Variants in GRK3 observed in about 807,000 individuals in gnomAD.
The protein encoded by GRK3 is adrenergic, beta, receptor kinase 2.
A neutral mutation model predicts 95.7 loss-of-function variants in GRK3; 54 were observed. The ratio of observed to expected loss-of-function variants is 0.56; its 90% confidence interval spans 0.45 to 0.71. The LOEUF is 0.71. Ranked by LOEUF, GRK3 falls within the 30% of genes least tolerant of loss-of-function variation. The probability of loss-of-function intolerance (pLI) is 0.00; values close to 1 mark genes in which losing one functional copy is unlikely to be tolerated. For missense variants in GRK3, 649 were observed against 851.2 expected (o/e 0.76, Z 2.96); for synonymous variants, 281 against 290.8 (o/e 0.97, Z 0.34).
At chr22:25,616,850 G>A (rs911000592) in intron 2 of GRK3, among the ~76,000 whole-genome samples, 3 of 152,216 alleles carry the variant, frequency 2.0e-5, no homozygotes, top group Non-Finnish European at 4.4e-5. Context: ...TGTTGTTTAT[G>A]CCTCTTGGAA....
At chr22:25,584,725 A>ATG (rs1932233264) in intron 1 of GRK3, among the ~76,000 whole-genome samples, 2 of 143,908 alleles carry the variant, frequency 1.4e-5, no homozygotes, top group African/African-American at 2.6e-5. Context: ...AGGAAAAAAC[A>ATG]GTAAATATAG....
At chr22:25,651,614 A>G (rs535648834) in intron 3 of GRK3, among the ~76,000 whole-genome samples, 1 of 152,276 alleles carries the variant, frequency 6.6e-6, no homozygotes, top group African/African-American at 2.4e-5. Context: ...TGATATTGTA[A>G]TTTTTCTAAG....
intron 13 of GRK3, among the ~76,000 whole-genome samples, chr22:25,695,687 T>C (rs1355291515): frequency 6.6e-6 from 1 of 152,082 alleles, no homozygotes; most frequent in East Asian, 1.9e-4. Context: ...AAGTTCTCTC[T>C]CTGTTGCCTG....
intron 19 of GRK3, among the ~76,000 whole-genome samples, chr22:25,719,328 GTGACTCAGACCAGGTCATCCTGT>G (rs1336996823): frequency 3.3e-5 from 5 of 152,298 alleles, no homozygotes; most frequent in African/African-American, 1.2e-4. Context: ...AGGTGGAAGG[GTGACTCAGACCAGGTCATCCTGT>G]GCCCTCAGTC....
At chr22:25,579,763 A>C (rs1932035708) in intron 1 of GRK3, among the ~76,000 whole-genome samples, 1 of 151,962 alleles carries the variant, frequency 6.6e-6, no homozygotes, top group South Asian at 2.1e-4. Flanking sequence ...TGGGCCACCG[A>C]GCCTGGCCGA....
intron 11 of GRK3, 98 bp from the exon 12 acceptor site, chr22:25,690,091 G>A (rs1346957582): frequency 2.5e-6 from 2 of 807,326 alleles, no homozygotes; most frequent in East Asian, 5.3e-5. Flanking sequence ...AACAAACTAT[G>A]ATAAAATAGT....
At chr22:25,677,391 AAAAAAAAAAAGAAAAG>A (rs1185848150) in intron 8 of GRK3, among the ~76,000 whole-genome samples, 1 of 150,148 alleles carries the variant, frequency 6.7e-6, no homozygotes, top group Non-Finnish European at 1.5e-5. Context: ...AAAAAAAAAA[AAAAAAAAAAAGAAAAG>A]GAAAAAAAAA....
rs556796472 is a variant in GRK3, at chr22:25,713,562, G to T, written c.1492-846G>T. Among the ~76,000 whole-genome samples the T allele has an allele frequency of 8.8e-4, 134 of 152,176 alleles. 1 individual carries two copies. The Middle Eastern group carries it at 0.024, about 27-fold the overall frequency. ...TTTGCCTGTTATGATACCTACCCCT[G>T]CTTATCTTTCAAGGAGTAAGCAAAT... On this transcript the variant is annotated intron_variant, in intron 17 of 20. Coordinates refer to ENST00000324198, the MANE Select transcript of GRK3 (RefSeq NM_005160.4).
At chr22:25,635,123 G>T (rs1012293069) in intron 2 of GRK3, among the ~76,000 whole-genome samples, 2 of 152,148 alleles carry the variant, frequency 1.3e-5, no homozygotes, top group Non-Finnish European at 2.9e-5. Context: ...AGATGTATTT[G>T]TGATTTGTTT....
At chr22:25,716,417 G>C (rs551442921) in intron 18 of GRK3, among the ~76,000 whole-genome samples, 33 of 152,248 alleles carry the variant, frequency 2.2e-4, no homozygotes, top group Admixed American at 7.8e-4. Context: ...CTAGAATCCT[G>C]ATTAATTGGA....
chr22:25,719,515 T>C (rs1158040506), intron 19 of GRK3, among the ~76,000 whole-genome samples: 1 of 152,198 alleles, frequency 6.6e-6, no homozygotes, highest in East Asian at 1.9e-4. Flanking sequence ...AAGATGTAGC[T>C]GCCCTCTAAG....
At position 25,673,967 on chromosome 22, in the gene GRK3, ATG is replaced by A. The variant is rs138356446; in HGVS notation, c.556-469_556-468del. Among the ~76,000 whole-genome samples, 801 of 152,104 alleles carry A rather than the reference ATG, an allele frequency of 5.3e-3. 7 individuals are homozygous for A. Among genetic ancestry groups the A allele is most frequent in the Non-Finnish European group, 7.6e-3 (515 of 68,016 alleles). On this transcript the variant is annotated intron_variant, in intron 7 of 20. Coordinates refer to ENST00000324198, the MANE Select transcript of GRK3 (RefSeq NM_005160.4). ...TGCATCTGTTGGGTTTCCTGATCAT[ATG>A]GCCTTGTATCATGAACACATAGATG...
chr22:25,570,560 G>A (rs62226213), intron 1 of GRK3, among the ~76,000 whole-genome samples: 1 of 152,236 alleles, frequency 6.6e-6, no homozygotes, highest in East Asian at 1.9e-4. Context: ...CACTGTAGGT[G>A]AAAATGTAGG....
chr22:25,666,447 C>G (rs1338615083), intron 5 of GRK3, among the ~76,000 whole-genome samples: 1 of 152,188 alleles, frequency 6.6e-6, no homozygotes, highest in Non-Finnish European at 1.5e-5. Context: ...GAAGGAACTT[C>G]AGAGAGAGAT....
chr22:25,648,762 A>G, intron 3 of GRK3: 1 of 1,142,128 alleles, frequency 8.8e-7, no homozygotes, highest in Non-Finnish European at 1.3e-6. Context: ...TATGGCATAT[A>G]TTAAAAGAAT....
intron 5 of GRK3, 102 bp downstream of exon 5, chr22:25,663,806 G>A: frequency 2.6e-6 from 2 of 769,932 alleles, no homozygotes; most frequent in Non-Finnish European, 4.4e-6. Flanking sequence ...GACTTGCTTT[G>A]TAAAGACTGT....
chr22:25,714,900 C>T, intron 18 of GRK3: 1 of 185,372 alleles, frequency 5.4e-6, no homozygotes, highest in Non-Finnish European at 1.1e-5. Context: ...TTGGTGTGTG[C>T]CCTGTGCGGT....
intron 4 of GRK3, among the ~76,000 whole-genome samples, chr22:25,662,954 A>G (rs1569184166): frequency 6.6e-6 from 1 of 152,096 alleles, no homozygotes; most frequent in Non-Finnish European, 1.5e-5. Flanking sequence ...GGTTACAGTA[A>G]GACTTTCCTT....
intron 1 of GRK3, among the ~76,000 whole-genome samples, chr22:25,567,020 C>T (rs944087302): frequency 3.3e-5 from 5 of 151,604 alleles, no homozygotes; most frequent in Admixed American, 1.3e-4. Flanking sequence ...CTCTTAAGAA[C>T]GTACTTATGC....
Sources: allele counts gnomAD v4.1 joint callset (sites outside exome capture counted in the v4.1 genomes callset), GRCh38; gene constraint gnomAD v4.1.1; transcripts MANE v1.5; gene names NCBI Gene and HGNC (gene_info 2026-07-23, HGNC 2026-07-21).